The following NEK11 variants were observed in gnomAD, a reference collection of about 807,000 sequenced individuals.
The protein encoded by NEK11 is serine/threonine-protein kinase Nek11.
In NEK11, 72 loss-of-function variants were observed where a neutral mutation model predicts 80.7. That is an observed-to-expected ratio of 0.89 (90% confidence interval 0.74 to 1.08). The LOEUF is 1.08. Among genes scored for constraint, NEK11 ranks in the 50% least tolerant of loss-of-function variants. NEK11 has a pLI of 0.00. For synonymous variants in NEK11, 251 were observed against 260.7 expected (o/e 0.96, Z 0.36); for missense variants, 764 against 763.6 (o/e 1.00, Z -0.01).
intron 7 of NEK11, among the ~76,000 whole-genome samples, chr3:131,141,722 A>G (rs1018104665): frequency 2.6e-5 from 4 of 152,170 alleles, no homozygotes; most frequent in African/African-American, 7.2e-5. Flanking sequence ...AAAGACTCTG[A>G]GAAATGGTAT....
At chr3:131,334,038 T>A (rs1036730484) in intron 17 of NEK11, among the ~76,000 whole-genome samples, 1 of 152,258 alleles carries the variant, frequency 6.6e-6, no homozygotes, top group East Asian at 1.9e-4. Flanking sequence ...AACACCCCAC[T>A]GTCAACATTA....
chr3:131,175,911 G>T (rs2092982889), intron 14 of NEK11, among the ~76,000 whole-genome samples: 1 of 152,152 alleles, frequency 6.6e-6, no homozygotes, highest in Admixed American at 6.5e-5. Context: ...AGATCTTTGG[G>T]TATCACCTGG....
intron 12 of NEK11, among the ~76,000 whole-genome samples, chr3:131,166,160 T>C (rs2092204869): frequency 6.6e-6 from 1 of 152,210 alleles, no homozygotes; most frequent in African/African-American, 2.4e-5. Context: ...ATTTGGGCAA[T>C]AGACATCAAT....
intron 14 of NEK11, among the ~76,000 whole-genome samples, chr3:131,186,343 T>C (rs2093599758): frequency 6.6e-6 from 1 of 152,208 alleles, no homozygotes; most frequent in African/African-American, 2.4e-5. Context: ...GATGCCTATC[T>C]GGGCCAGTGA....
chr3:131,232,922 A>G (rs1330964669), intron 15 of NEK11, among the ~76,000 whole-genome samples: 2 of 152,002 alleles, frequency 1.3e-5, no homozygotes, highest in Non-Finnish European at 2.9e-5. Context: ...TAGAAATAAA[A>G]AGGAAATTCC....
In NEK11 at chr3:131,128,103, C is replaced by G. The variant is rs538576741; in HGVS notation, c.456-4642C>G. Among the ~76,000 whole-genome samples, 3 of 152,310 alleles carry G rather than the reference C, an allele frequency of 2.0e-5. No individual in the cohort carries two copies. The South Asian group carries it at 6.2e-4, about 32-fold the overall frequency. ...TGCTCCCACACATGCATTGCCTCCCCTGTTATCAGCATTGCTACCAGTCAT... is the reference window on the plus strand; with the variant it reads ...TGCTCCCACACATGCATTGCCTCCCGTGTTATCAGCATTGCTACCAGTCAT... On this transcript the variant is annotated intron_variant, in intron 5 of 17. Coordinates refer to ENST00000383366, the MANE Select transcript of NEK11 (RefSeq NM_024800.5).
chr3:131,270,957 T>C (rs1444557877), intron 16 of NEK11, among the ~76,000 whole-genome samples: 1 of 152,220 alleles, frequency 6.6e-6, no homozygotes, highest in Non-Finnish European at 1.5e-5. Context: ...GTTGTTTTAG[T>C]AACTTTTTAG....
In NEK11 at chr3:131,203,548, G is replaced by A. The variant is rs1197543328; in HGVS notation, c.1400-24980G>A. On this transcript the variant is annotated intron_variant, in intron 14 of 17. Coordinates refer to ENST00000383366, the MANE Select transcript of NEK11 (RefSeq NM_024800.5). ...TACATATGTAACAAACCTGCACTTT[G>A]TGCACATGTACCCTAAAACTTAAAG... 2.7e-5 allele frequency among the ~76,000 whole-genome samples: 4 copies of A among 149,534 alleles called. No individual in the cohort carries two copies. In the East Asian group the frequency reaches 7.9e-4, roughly 30 times the overall value.
intron 17 of NEK11, among the ~76,000 whole-genome samples, chr3:131,299,534 T>C (rs1581607125): frequency 6.6e-6 from 1 of 151,850 alleles, no homozygotes; most frequent in Middle Eastern, 3.4e-3. Flanking sequence ...TCCCACCATC[T>C]ACCTCTCAGC....
At chr3:131,132,840 A>G in intron 6 of NEK11, 31 bp downstream of exon 6, 1 of 1,032,234 alleles carries the variant, frequency 9.7e-7, no homozygotes, top group Non-Finnish European at 1.5e-6. Flanking sequence ...AATTCCAAAA[A>G]CGCAGAACAG....
intron 3 of NEK11, among the ~76,000 whole-genome samples, chr3:131,042,989 C>A (rs992813342): frequency 3.9e-5 from 6 of 152,168 alleles, no homozygotes; most frequent in Non-Finnish European, 8.8e-5. Context: ...AGTGGACCCC[C>A]AGAAAATACC....
Position 131,165,452 on chromosome 3 carries a change from A to G in NEK11, c.1109A>G (p.Glu370Gly), listed in dbSNP as rs1184034541. 1 of 1,612,244 alleles carries G rather than the reference A, an allele frequency of 6.2e-7. No individual in the cohort carries two copies. Among genetic ancestry groups the G allele is most frequent in the Non-Finnish European group, 8.5e-7 (1 of 1,178,418 alleles). Residue 370 changes from glutamate (E) to glycine (G), a missense_variant, in exon 12 of 18, where the codon GAA (glutamate) becomes GGA (glycine). Transcript: ENST00000383366. ...AAGATTGTGGAAGAAAAATATGAAGAAAATAGCAAACGAATGCAAGAATTG... is the reference window on the plus strand; with the variant it reads ...AAGATTGTGGAAGAAAAATATGAAGGAAATAGCAAACGAATGCAAGAATTG... The part of the protein sequence containing the change: ...LKKIVEEKYE[E>G]NSKRMQELRS...
intron 14 of NEK11, among the ~76,000 whole-genome samples, chr3:131,214,511 G>C (rs534310081): frequency 6.6e-6 from 1 of 152,210 alleles, no homozygotes; most frequent in South Asian, 2.1e-4. Flanking sequence ...AAAGACAAAT[G>C]TTACCTTGTC....
At chr3:131,189,047 T>A (rs955637153) in intron 14 of NEK11, among the ~76,000 whole-genome samples, 2 of 151,838 alleles carry the variant, frequency 1.3e-5, no homozygotes, top group Non-Finnish European at 2.9e-5. Flanking sequence ...ACAAAGAAGA[T>A]GATGTGAAGA....
At chr3:131,141,397 A>C (rs374034601) in intron 7 of NEK11, among the ~76,000 whole-genome samples, 24 of 152,254 alleles carry the variant, frequency 1.6e-4, no homozygotes, top group African/African-American at 5.8e-4. Flanking sequence ...ATTTCAGGTA[A>C]AAAGACCCAA....
intron 5 of NEK11, among the ~76,000 whole-genome samples, chr3:131,113,951 CTA>C (rs1289227097): frequency 2.0e-5 from 3 of 146,836 alleles, no homozygotes; most frequent in African/African-American, 7.5e-5. Flanking sequence ...TTAAATATAA[CTA>C]TTGTTTTCTA....
intron 16 of NEK11, among the ~76,000 whole-genome samples, chr3:131,256,002 T>C (rs928051863): frequency 3.3e-5 from 5 of 152,202 alleles, no homozygotes; most frequent in Non-Finnish European, 7.3e-5. Context: ...GTCCAATTCA[T>C]AAATCATTCT....
chr3:131,240,481 A>G (rs1419207505), intron 15 of NEK11, among the ~76,000 whole-genome samples: 1 of 152,126 alleles, frequency 6.6e-6, no homozygotes, highest in Non-Finnish European at 1.5e-5. Context: ...CTAAGGCTTC[A>G]TCTCTCTTCC....
At chr3:131,334,469 T>G (rs1236167185) in intron 17 of NEK11, among the ~76,000 whole-genome samples, 1 of 151,124 alleles carries the variant, frequency 6.6e-6, no homozygotes, top group Non-Finnish European at 1.5e-5. Flanking sequence ...TTCAAAGCAG[T>G]GTGTAGAGGG....
Sources: gnomAD v4.1 joint callset for allele counts (sites outside exome capture counted in the v4.1 genomes callset) on GRCh38, gnomAD v4.1.1 for gene constraint, MANE v1.5 for transcripts, NCBI Gene and HGNC (gene_info 2026-07-23, HGNC 2026-07-21) for gene names.